CAST: variants seen among roughly 807,000 people sequenced by gnomAD.
CAST encodes MIR583 host.
In CAST, 76 loss-of-function variants were observed where a neutral mutation model predicts 119.6. The observed-to-expected ratio is 0.64, with a 90% CI of 0.53 to 0.77. CAST has a LOEUF of 0.77. Ranked by LOEUF, CAST falls within the 30% of genes least tolerant of loss-of-function variation. CAST has a pLI of 0.00. For synonymous variants in CAST, 319 were observed against 331.6 expected (o/e 0.96, Z 0.41); for missense variants, 953 against 946.5 (o/e 1.01, Z -0.09).
At chr5:96,334,431 A>T in the CAST span, among the ~76,000 whole-genome samples, 29 of 152,118 alleles carry the variant, frequency 1.9e-4, no homozygotes, top group East Asian at 5.2e-3. Flanking sequence ...CCTGGTTCTC[A>T]CTACTGGGAA....
At chr5:96,227,630 A>G in the CAST span, among the ~76,000 whole-genome samples, 1 of 152,166 alleles carries the variant, frequency 6.6e-6, no homozygotes, top group Non-Finnish European at 1.5e-5. Flanking sequence ...CCATCATGGG[A>G]AATTAGAATA....
chr5:96,321,195 T>TGTCC, the CAST span, among the ~76,000 whole-genome samples: 1 of 152,168 alleles, frequency 6.6e-6, no homozygotes, highest in African/African-American at 2.4e-5. Context: ...TGGTGGAGAC[T>TGTCC]GTCCTGTGCG....
chr5:96,677,962 C>T (rs530559132), intron 2 of CAST, among the ~76,000 whole-genome samples: 136 of 152,204 alleles, frequency 8.9e-4, no homozygotes, highest in Non-Finnish European at 1.5e-3. Flanking sequence ...CAAAGGGCCT[C>T]ATTCTTTATG....
chr5:96,535,713 A>G (rs1382435080), intron 1 of CAST, among the ~76,000 whole-genome samples: 3 of 151,702 alleles, frequency 2.0e-5, no homozygotes, highest in Non-Finnish European at 4.4e-5. Flanking sequence ...AGCTGGGACT[A>G]CAGGCGCCCG....
chr5:95,989,492 A>C, the CAST span, among the ~76,000 whole-genome samples: 1 of 152,208 alleles, frequency 6.6e-6, no homozygotes, highest in Non-Finnish European at 1.5e-5. Context: ...CTGAAATAAC[A>C]TAGCAGATTG....
intron 1 of CAST, among the ~76,000 whole-genome samples, chr5:96,597,901 A>G (rs902847049): frequency 2.0e-5 from 3 of 150,012 alleles, no homozygotes; most frequent in African/African-American, 7.4e-5. Flanking sequence ...GAGGGGTGGA[A>G]GAAGAAAAGA....
At chr5:96,205,829 A>G in the CAST span, among the ~76,000 whole-genome samples, 8 of 152,204 alleles carry the variant, frequency 5.3e-5, no homozygotes, top group Non-Finnish European at 8.8e-5. Context: ...TTGGGTATAT[A>G]CCCAATATGA....
the CAST span, among the ~76,000 whole-genome samples, chr5:96,133,616 C>T: frequency 6.6e-6 from 1 of 152,072 alleles, no homozygotes; most frequent in African/African-American, 2.4e-5. Flanking sequence ...GAGCCAGTTT[C>T]CCATATTTTC....
chr5:96,205,050 A>T, the CAST span, among the ~76,000 whole-genome samples: 1 of 152,088 alleles, frequency 6.6e-6, no homozygotes, highest in African/African-American at 2.4e-5. Context: ...AACTGACGTG[A>T]CAAGGACAAA....
At position 96,629,925 on chromosome 5, in the gene CAST, A is replaced by G. The variant is rs376066443; in HGVS notation, c.61-45614A>G. Among the ~76,000 whole-genome samples the G allele has an allele frequency of 8.3e-4, 127 of 152,316 alleles. 1 individual carries two copies. In the South Asian group the frequency reaches 0.024, roughly 29 times the overall value. On this transcript the variant is annotated intron_variant, in intron 1 of 11. Coordinates refer to the CAST transcript ENST00000505143. ...CAAACACAGATTTAAACCACAGCCAAGCCCTAAACCAGCTAAGCCTGCAGT... is the reference window on the plus strand; with the variant it reads ...CAAACACAGATTTAAACCACAGCCAGGCCCTAAACCAGCTAAGCCTGCAGT...
At chr5:96,704,933 G>A (rs34847574) in intron 3 of CAST, among the ~76,000 whole-genome samples, 43,263 of 152,046 alleles carry the variant, frequency 0.28, 6,629 homozygotes, top group Non-Finnish European at 0.36. Context: ...CTCTTTGCTC[G>A]CACTGAATGT....
chr5:96,408,217 C>A, the CAST span: 4 of 1,606,314 alleles, frequency 2.5e-6, no homozygotes, highest in Non-Finnish European at 3.4e-6. Context: ...GCTTTCTGGG[C>A]CTTACTTTGC....
the CAST span, among the ~76,000 whole-genome samples, chr5:95,965,990 T>C: frequency 6.6e-6 from 1 of 152,158 alleles, no homozygotes. Context: ...ATCTGAGTAG[T>C]AGGACAGTTA....
the CAST span, among the ~76,000 whole-genome samples, chr5:96,090,798 G>C: frequency 6.6e-6 from 1 of 151,486 alleles, no homozygotes; most frequent in African/African-American, 2.4e-5. Flanking sequence ...AGCAACTAAA[G>C]TGTTTTGCTT....
At chr5:96,145,597 TAA>T in the CAST span, among the ~76,000 whole-genome samples, 1 of 152,182 alleles carries the variant, frequency 6.6e-6, no homozygotes, top group East Asian at 1.9e-4. Flanking sequence ...GGAGCCATGT[TAA>T]GTTAGTTTGT....
chr5:96,415,336 C>T, the CAST span, among the ~76,000 whole-genome samples: 1 of 152,186 alleles, frequency 6.6e-6, no homozygotes, highest in Non-Finnish European at 1.5e-5. Flanking sequence ...CAAGGCCTAT[C>T]CAGTGGCTCT....
At chr5:96,640,559 A>T (rs762247531) in intron 1 of CAST, among the ~76,000 whole-genome samples, 3 of 152,170 alleles carry the variant, frequency 2.0e-5, no homozygotes, top group Non-Finnish European at 4.4e-5. Flanking sequence ...GGGGACTGAG[A>T]TTGTATCTCC....
chr5:96,106,465 T>C, the CAST span, among the ~76,000 whole-genome samples: 1 of 152,300 alleles, frequency 6.6e-6, no homozygotes, highest in East Asian at 1.9e-4. Context: ...TATTTCTGCC[T>C]TCATTTCATT....
chr5:96,086,448 AT>A, the CAST span, among the ~76,000 whole-genome samples: 1 of 152,138 alleles, frequency 6.6e-6, no homozygotes, highest in African/African-American at 2.4e-5. Context: ...GTTGGGAAAT[AT>A]TTTTTCTCTT....
Sources: allele counts gnomAD v4.1 joint callset (sites outside exome capture counted in the v4.1 genomes callset), GRCh38; gene constraint gnomAD v4.1.1; transcripts MANE v1.5; gene names NCBI Gene and HGNC (gene_info 2026-07-23, HGNC 2026-07-21).